The following PCDHGB6 variants were observed in gnomAD, a reference collection of about 807,000 sequenced individuals.
PCDHGB6 encodes the protein protocadherin gamma subfamily B, 6.
PCDHGB6 carries 51 observed loss-of-function variants against 59.1 expected under a neutral mutation model. That is an observed-to-expected ratio of 0.86 (90% CI 0.69 to 1.09). PCDHGB6 has a LOEUF of 1.09. PCDHGB6 is among the 50% of genes least tolerant of loss of function. The pLI is 0.00. For missense variants in PCDHGB6, 1,148 were observed against 1,205.1 expected, an observed-to-expected ratio of 0.95 and a Z score of 0.70; for synonymous variants, 466 against 495.1, an observed-to-expected ratio of 0.94 and a Z score of 0.78.
At chr5:141,455,020 G>A (rs201196115) in intron 1 of PCDHGB6, among the ~76,000 whole-genome samples, 1 of 151,166 alleles carries the variant, frequency 6.6e-6, no homozygotes, top group African/African-American at 2.4e-5. Context: ...CACCGTGTTA[G>A]CCAGGATGGT....
In PCDHGB6 at chr5:141,486,866, G is replaced by A; in HGVS notation, c.2419-7941G>A. Reference sequence around the variant, plus strand: ...GGACCTCAATGACAATGCTCCAGCTGTGCTCCGTCCTCGGGCCCGGCCTGG... The same window carrying A: ...GGACCTCAATGACAATGCTCCAGCTATGCTCCGTCCTCGGGCCCGGCCTGG... On this transcript the variant is annotated intron_variant, in intron 1 of 3. Transcript: ENST00000520790. The surrounding 1 kb of genome is among the most constrained non-coding windows in gnomAD (Gnocchi z 5.0). 6.2e-7 allele frequency: 1 copy of A among 1,614,202 alleles called. No homozygotes were observed. The highest frequency in any genetic ancestry group is 8.5e-7 in the Non-Finnish European group (1 of 1,180,038).
At chr5:141,423,874 A>T (rs1264795133) in intron 1 of PCDHGB6, 2 of 1,283,268 alleles carry the variant, frequency 1.6e-6, no homozygotes, top group African/African-American at 3.1e-5. Flanking sequence ...GTCATTTTTC[A>T]ATCTTGGCAT....
chr5:141,432,374 C>T lies in PCDHGB6; in HGVS notation c.2418+21754C>T. The T allele has an allele frequency of 6.2e-7, 1 of 1,614,240 alleles. No individual in the cohort carries two copies. The highest frequency in any genetic ancestry group is 1.1e-5 in the South Asian group (1 of 91,082). ...GAAAGTGATGGCGCGGGACAACGGG[C>T]ACCCGCCCCTCAGCAGCAACGTGTC... On this transcript the variant is annotated intron_variant, in intron 1 of 3. Transcript: ENST00000520790. The surrounding 1 kb of genome is among the most constrained non-coding windows in gnomAD (Gnocchi z 6.0).
chr5:141,491,014 G>A lies in PCDHGB6; in HGVS notation c.2419-3793G>A, dbSNP rs761902295. On this transcript the variant is annotated intron_variant, in intron 1 of 3. Transcript: ENST00000520790. This position sits in a 1 kb window ranked among gnomAD's most constrained non-coding sequence, Gnocchi z 6.9. ...TCCTCCTGGCTCCTTGGTCACCAAG[G>A]TGACAGCCGTGGATGCTGATGCAGG... 6 of 1,614,134 alleles carry A rather than the reference G, an allele frequency of 3.7e-6. No individual in the cohort carries two copies. Among genetic ancestry groups the A allele is most frequent in the Non-Finnish European group, 4.2e-6 (5 of 1,180,044 alleles).
rs758515649 is a variant in PCDHGB6 at position 141,432,368 on chromosome 5, A to G, written c.2418+21748A>G. On this transcript the variant is annotated intron_variant, in intron 1 of 3. Coordinates refer to ENST00000520790, the MANE Select transcript of PCDHGB6 (RefSeq NM_018926.3). This position sits in a 1 kb window ranked among gnomAD's most constrained non-coding sequence, Gnocchi z 6.0. ...GCAAGTGAAAGTGATGGCGCGGGAC[A>G]ACGGGCACCCGCCCCTCAGCAGCAA... 1.2e-6 allele frequency: 2 copies of G among 1,614,110 alleles called. No homozygotes were observed. Among genetic ancestry groups the G allele is most frequent in the Non-Finnish European group, 1.7e-6 (2 of 1,180,054 alleles).
chr5:141,454,356 T>G (rs1461475653), intron 1 of PCDHGB6, among the ~76,000 whole-genome samples: 1 of 152,224 alleles, frequency 6.6e-6, no homozygotes, highest in East Asian at 1.9e-4. Context: ...TGATCCAAAC[T>G]TAGAAAGGAG....
At chr5:141,421,017 T>TGC (rs1489188484) in intron 1 of PCDHGB6, 1 of 518,776 alleles carries the variant, frequency 1.9e-6, no homozygotes, top group African/African-American at 2.0e-5. Flanking sequence ...AATGGGAAGC[T>TGC]GCGCGCCATT....
chr5:141,486,844 C>T lies in PCDHGB6; in HGVS notation c.2419-7963C>T, dbSNP rs150549306. The T allele has an allele frequency of 1.1e-5, 17 of 1,614,220 alleles. No homozygotes were observed. The highest frequency in any genetic ancestry group is 1.4e-5 in the Non-Finnish European group (16 of 1,180,026). ...TAACAGTTCGTCTATTTGTGCTGGACCTCAATGACAATGCTCCAGCTGTGC... is the reference window on the plus strand; with the variant it reads ...TAACAGTTCGTCTATTTGTGCTGGATCTCAATGACAATGCTCCAGCTGTGC... On this transcript the variant is annotated intron_variant, in intron 1 of 3. Transcript: ENST00000520790. The surrounding 1 kb of genome is among the most constrained non-coding windows in gnomAD (Gnocchi z 5.0).
Position 141,420,946 on chromosome 5 carries a change from A to G in PCDHGB6, c.2418+10326A>G, listed in dbSNP as rs1561791007. 5 of 400,268 alleles carry G rather than the reference A, an allele frequency of 1.2e-5. No homozygotes were observed. In the East Asian group the frequency reaches 1.7e-4, roughly 14 times the overall value. The allele number at this position is 400,268 out of a possible 1,614,324, so 24.8% of individuals were successfully genotyped here. A position where few individuals can be genotyped will look rare whatever the true frequency, so the allele number is the denominator to read the frequency against. ...AGGTGAGCGTAATCATTTCTTCTGG[A>G]ATTTCTTAGTCGTTGCAATAATAAG... On this transcript the variant is annotated intron_variant, in intron 1 of 3. Coordinates refer to ENST00000520790, the MANE Select transcript of PCDHGB6 (RefSeq NM_018926.3).
intron 1 of PCDHGB6, chr5:141,426,943 C>T: frequency 2.2e-6 from 1 of 456,736 alleles, no homozygotes; most frequent in Non-Finnish European, 4.4e-6. Flanking sequence ...GACCCAGTCC[C>T]AACTGGCACT....
In PCDHGB6 at chr5:141,409,434, A is replaced by T; in HGVS notation, c.1232A>T (p.Asp411Val). ...YYKLVTDGAL[D>V]REQTPEYNVT... Reference sequence around the variant, plus strand: ...AAACTGGTGACAGATGGAGCCCTGGACCGAGAGCAGACACCAGAATACAAT... The same window carrying T: ...AAACTGGTGACAGATGGAGCCCTGGTCCGAGAGCAGACACCAGAATACAAT... The change falls in exon 1 of 4, where the codon GAC becomes GTC. Residue 411 changes from aspartate to valine, a missense_variant. Transcript: ENST00000520790. 2 of 1,613,992 alleles carry T rather than the reference A, an allele frequency of 1.2e-6. No homozygotes were observed. The highest frequency in any genetic ancestry group is 1.7e-6 in the Non-Finnish European group (2 of 1,179,890).
chr5:141,446,936 C>G (rs935365668), intron 1 of PCDHGB6, among the ~76,000 whole-genome samples: 3 of 152,176 alleles, frequency 2.0e-5, no homozygotes, highest in African/African-American at 7.2e-5. Context: ...CTCTTTTTCA[C>G]TGTAAGAAAC....
chr5:141,435,059 G>A (rs2097741198), intron 1 of PCDHGB6, among the ~76,000 whole-genome samples: 1 of 152,042 alleles, frequency 6.6e-6, no homozygotes, highest in Non-Finnish European at 1.5e-5. Context: ...CCATGCAGCA[G>A]TTTTGTGTAG....
At chr5:141,451,198 C>T (rs1415589731) in intron 1 of PCDHGB6, among the ~76,000 whole-genome samples, 1 of 152,114 alleles carries the variant, frequency 6.6e-6, no homozygotes, top group Non-Finnish European at 1.5e-5. Context: ...AACAAATTAT[C>T]CCAAAACTTA....
intron 1 of PCDHGB6, among the ~76,000 whole-genome samples, chr5:141,438,609 T>TATAC (rs2098013849): frequency 2.4e-5 from 1 of 41,118 alleles, no homozygotes; most frequent in Non-Finnish European, 3.9e-5. Context: ...TATATATATA[T>TATAC]ATATATATAT....
chr5:141,421,507 G>A lies in PCDHGB6; in HGVS notation c.2418+10887G>A, dbSNP rs758920296. On this transcript the variant is annotated intron_variant, in intron 1 of 3. Coordinates refer to ENST00000520790, the MANE Select transcript of PCDHGB6 (RefSeq NM_018926.3). ...GATCACGGCAGGCAGGATAGACCGG[G>A]AGGAGCTCTGTGAGACGGTGTCCTC... The A allele has an allele frequency of 6.8e-6, 11 of 1,614,070 alleles. No homozygotes were observed. The South Asian group carries it at 1.2e-4, about 18-fold the overall frequency.
intron 1 of PCDHGB6, chr5:141,423,660 G>T (rs765304048): frequency 1.3e-6 from 2 of 1,560,582 alleles, no homozygotes; most frequent in Non-Finnish European, 8.6e-7. Context: ...CAAGTAATCA[G>T]GTGAGATTTA....
chr5:141,421,187 A>G (rs745843422), intron 1 of PCDHGB6: 5 of 1,473,698 alleles, frequency 3.4e-6, no homozygotes, highest in Non-Finnish European at 4.5e-6. Context: ...TTCACAACCA[A>G]CCAGCTCGAG....
In PCDHGB6 at chr5:141,409,567, G is replaced by T. The variant is rs974585499; in HGVS notation, c.1365G>T (p.Thr455=). 2 of 1,613,896 alleles carry T rather than the reference G, an allele frequency of 1.2e-6. No individual in the cohort carries two copies. The highest frequency in any genetic ancestry group is 1.7e-6 in the Non-Finnish European group (2 of 1,179,888). Residue 455 remains threonine, a synonymous_variant, in exon 1 of 4, where the codon ACG becomes ACT. Coordinates refer to ENST00000520790, the MANE Select transcript of PCDHGB6 (RefSeq NM_018926.3). ...INDNAPVFDQ[T]SYVVHVAENN... ...ACAACGCCCCAGTTTTCGACCAGAC[G>T]TCCTACGTGGTCCACGTGGCCGAGA...
Sources: allele counts gnomAD v4.1 joint callset (sites outside exome capture counted in the v4.1 genomes callset), GRCh38; gene constraint gnomAD v4.1.1; non-coding constraint Gnocchi (gnomAD v3.1); transcripts MANE v1.5; gene names NCBI Gene and HGNC (gene_info 2026-07-23, HGNC 2026-07-21).